The following BASP1 variants were observed in gnomAD, a reference collection of about 807,000 sequenced individuals.
BASP1 encodes the protein brain abundant membrane attached signal protein 1, also known as brain acid soluble protein 1.
BASP1 carries 1 observed loss-of-function variant against 2.2 expected under a neutral mutation model. That is an observed-to-expected ratio of 0.46 (90% CI 0.16 to 2.17). The LOEUF (loss-of-function observed/expected upper bound fraction) is 2.17. Ranked by LOEUF, BASP1 falls within the 30% of genes most tolerant of loss-of-function variation. The pLI, the probability that BASP1 is intolerant of heterozygous loss-of-function variation, is 0.27. For missense variants in BASP1, 352 were observed against 327.2 expected (o/e 1.08, Z -0.58); for synonymous variants, 187 against 154.2 (o/e 1.21, Z -1.58).
In BASP1 at chr5:17,275,592, G is replaced by C; in HGVS notation, c.376G>C (p.Ala126Pro). The C allele has an allele frequency of 1.4e-6, 2 of 1,402,832 alleles. No individual in the cohort carries two copies. The highest frequency in any genetic ancestry group is 1.8e-6 in the Non-Finnish European group (2 of 1,082,028). The allele number at this position is 1,402,832 out of a possible 1,614,324, so 86.9% of individuals were successfully genotyped here. A position where few individuals can be genotyped will look rare whatever the true frequency, so the allele number is the denominator to read the frequency against. Residue 126 changes from alanine (A) to proline (P), a missense_variant, in exon 2 of 2, where the codon GCC (alanine) becomes CCC (proline). Ala to Pro is a conservative substitution (Grantham distance 27, BLOSUM62 -1). Transcript: ENST00000322611. The surrounding 1 kb of genome is among the most constrained non-coding windows in gnomAD (Gnocchi z 5.3). ...CGAGGCCCCCAAAGCTGCTGAGGCC[G>C]CCGCGGCCCCGGCCGAGAGCGCGGC... Reference protein sequence around the residue: ...GGEAPKAAEAAAAPAESAAPA... With the variant: ...GGEAPKAAEAPAAPAESAAPA...
chr5:17,263,386 C>T (rs1410858733), intron 1 of BASP1, among the ~76,000 whole-genome samples: 2 of 150,690 alleles, frequency 1.3e-5, no homozygotes, highest in Admixed American at 1.3e-4. Flanking sequence ...CCTCTTGCTT[C>T]GGCCTCCCAA....
chr5:17,232,761 A>G (rs951082269), intron 1 of BASP1, among the ~76,000 whole-genome samples: 1 of 151,882 alleles, frequency 6.6e-6, no homozygotes, highest in African/African-American at 2.4e-5. Context: ...CAACTAAGAC[A>G]TCATTTGTGA....
At chr5:17,243,071 G>A (rs943467032) in intron 1 of BASP1, among the ~76,000 whole-genome samples, 6 of 151,898 alleles carry the variant, frequency 4.0e-5, no homozygotes, top group Non-Finnish European at 8.8e-5. Flanking sequence ...CCTGTAGTCT[G>A]TTGCCCCCAG....
chr5:17,276,659 G>A lies in BASP1; in HGVS notation c.*759G>A, dbSNP rs1475948928. The stretch of plus-strand genomic sequence containing the variant: ...AAAAAAAAAAAAAAAAAAAGTCTGC[G>A]TTCATTGCAGTTCCAGTTTCTCTTC... On this transcript the variant is annotated 3_prime_UTR_variant, in exon 2 of 2. Coordinates refer to ENST00000322611, the MANE Select transcript of BASP1 (RefSeq NM_006317.5). 6 of 148,418 alleles carry A rather than the reference G, an allele frequency of 4.0e-5. No homozygotes were observed. The highest frequency in any genetic ancestry group is 9.2e-5 in the Non-Finnish European group (6 of 64,980). 9.2% of individuals were successfully genotyped at this position (148,418 alleles called of 1,614,324 possible).
intron 1 of BASP1, among the ~76,000 whole-genome samples, chr5:17,264,025 A>G (rs959295060): frequency 9.9e-5 from 15 of 152,216 alleles, no homozygotes; most frequent in Non-Finnish European, 1.3e-4. Context: ...GCCACCAGGC[A>G]CTGAAGACTT....
chr5:17,229,541 T>C (rs1229897240), intron 1 of BASP1, among the ~76,000 whole-genome samples: 2 of 152,106 alleles, frequency 1.3e-5, no homozygotes, highest in African/African-American at 4.8e-5. Flanking sequence ...TCTGAGCCCC[T>C]CTGTTCCCTC....
At chr5:17,272,473 A>G (rs901776953) in intron 1 of BASP1, among the ~76,000 whole-genome samples, 5 of 147,430 alleles carry the variant, frequency 3.4e-5, no homozygotes, top group Non-Finnish European at 7.5e-5. Flanking sequence ...ATACTACCCC[A>G]TGGTGCTGTT....
At chr5:17,257,863 G>T (rs1740245170) in intron 1 of BASP1, among the ~76,000 whole-genome samples, 1 of 152,180 alleles carries the variant, frequency 6.6e-6, no homozygotes, top group African/African-American at 2.4e-5. Context: ...GCTTCATGTT[G>T]TGTAAGAAAG....
At chr5:17,227,161 C>CT (rs1194582168) in intron 1 of BASP1, among the ~76,000 whole-genome samples, 1 of 151,676 alleles carries the variant, frequency 6.6e-6, no homozygotes, top group Admixed American at 6.6e-5. Context: ...GAACTCCTGA[C>CT]TTCGTGATCC....
chr5:17,222,510 A>G (rs1438545934), intron 1 of BASP1, among the ~76,000 whole-genome samples: 1 of 152,198 alleles, frequency 6.6e-6, no homozygotes, highest in African/African-American at 2.4e-5. Flanking sequence ...TGCTCTCAAG[A>G]GTAAAAATCA....
Position 17,234,109 on chromosome 5 carries a change from C to T in BASP1, c.-10+16299C>T, listed in dbSNP as rs150789789. Among the ~76,000 whole-genome samples, 131 of 152,140 alleles carry T rather than the reference C, an allele frequency of 8.6e-4. 2 individuals carry two copies. The highest frequency in any genetic ancestry group is 3.0e-3 in the African/African-American group (124 of 41,468). ...TCGCGCCACTGCACTCCAGCCTGCA[C>T]GACAGAGTGAGACTCAGTCTCAAAA... On this transcript the variant is annotated intron_variant, in intron 1 of 1. Transcript: ENST00000322611.
intron 1 of BASP1, among the ~76,000 whole-genome samples, chr5:17,267,886 G>A (rs2937753): frequency 0.76 from 108,638 of 143,400 alleles, 41,159 homozygotes; most frequent in Admixed American, 0.82. Context: ...CAAGCTTCAC[G>A]TTGAAATGAC....
intron 1 of BASP1, among the ~76,000 whole-genome samples, chr5:17,234,537 A>C (rs1454304277): frequency 6.6e-6 from 1 of 152,246 alleles, no homozygotes; most frequent in Non-Finnish European, 1.5e-5. Flanking sequence ...AATATGTTGC[A>C]AACTTGTTTT....
At chr5:17,230,199 A>C (rs1739604141) in intron 1 of BASP1, among the ~76,000 whole-genome samples, 1 of 152,200 alleles carries the variant, frequency 6.6e-6, no homozygotes, top group South Asian at 2.1e-4. Context: ...ATCCTATTCT[A>C]GCATCTGTGC....
At chr5:17,241,602 G>C (rs1311153716) in intron 1 of BASP1, among the ~76,000 whole-genome samples, 1 of 152,234 alleles carries the variant, frequency 6.6e-6, no homozygotes, top group Admixed American at 6.5e-5. Flanking sequence ...TTTGCTTCCA[G>C]TTTGAGTAAT....
chr5:17,231,573 G>A (rs1220870132), intron 1 of BASP1, among the ~76,000 whole-genome samples: 1 of 152,048 alleles, frequency 6.6e-6, no homozygotes, highest in East Asian at 1.9e-4. Flanking sequence ...CAGGCTCCCA[G>A]GTCTCCCAGG....
intron 1 of BASP1, among the ~76,000 whole-genome samples, chr5:17,220,514 C>T (rs530704733): frequency 2.6e-5 from 4 of 152,188 alleles, no homozygotes; most frequent in South Asian, 2.1e-4. Flanking sequence ...TCTATCAGTT[C>T]GCTTATTCTT....
chr5:17,266,238 T>G (rs1260996447), intron 1 of BASP1, among the ~76,000 whole-genome samples: 1 of 152,212 alleles, frequency 6.6e-6, no homozygotes, highest in Non-Finnish European at 1.5e-5. Context: ...TCAATTTCCA[T>G]AAGTTAAAAA....
At chr5:17,239,834 T>C (rs1739825342) in intron 1 of BASP1, among the ~76,000 whole-genome samples, 1 of 152,216 alleles carries the variant, frequency 6.6e-6, no homozygotes, top group African/African-American at 2.4e-5. Context: ...TCTTTGCTGG[T>C]AACCGTTGTA....
Sources: gnomAD v4.1 joint callset for allele counts (sites outside exome capture counted in the v4.1 genomes callset) on GRCh38, gnomAD v4.1.1 for gene constraint, Gnocchi (gnomAD v3.1) non-coding constraint, MANE v1.5 for transcripts, NCBI Gene and HGNC (gene_info 2026-07-23, HGNC 2026-07-21) for gene names.